Variants in ROBO2 observed in about 807,000 individuals in gnomAD.
ROBO2 encodes roundabout homolog 2.
A neutral mutation model predicts 160.8 loss-of-function variants in ROBO2; 53 were observed. The ratio of observed to expected loss-of-function variants is 0.33; its 90% confidence interval spans 0.26 to 0.41. The LOEUF (loss-of-function observed/expected upper bound fraction) is 0.41. Ranked by LOEUF, ROBO2 falls within the 10% of genes least tolerant of loss-of-function variation. The pLI, the probability that ROBO2 is intolerant of heterozygous loss-of-function variation, is 1.00. For missense variants in ROBO2, 1,577 were observed against 1,722.4 expected (o/e 0.92, Z 1.49); for synonymous variants, 664 against 611.7 (o/e 1.09, Z -1.26).
chr3:76,993,936 T>A (rs989108038), intron 2 of ROBO2, among the ~76,000 whole-genome samples: 18 of 151,810 alleles, frequency 1.2e-4, no homozygotes, highest in African/African-American at 4.1e-4. Context: ...CTCTTCTAAA[T>A]GACAGCTACA....
At chr3:76,661,933 C>A (rs571170504) in intron 2 of ROBO2, among the ~76,000 whole-genome samples, 1 of 152,286 alleles carries the variant, frequency 6.6e-6, no homozygotes, top group South Asian at 2.1e-4. Context: ...ACTTCAATTT[C>A]TTTCAGGGCC....
chr3:76,938,296 G>A (rs965057969), intron 2 of ROBO2, among the ~76,000 whole-genome samples: 37 of 151,944 alleles, frequency 2.4e-4, no homozygotes, highest in African/African-American at 6.3e-4. Context: ...GGACGCTGCA[G>A]TGAGCCGAGA....
chr3:76,310,627 C>A (rs2071534635), intron 2 of ROBO2, among the ~76,000 whole-genome samples: 1 of 152,212 alleles, frequency 6.6e-6, no homozygotes, highest in Non-Finnish European at 1.5e-5. Context: ...AAATAAGATA[C>A]ATTTTAAGTT....
At chr3:77,614,774 A>C (rs368957609) in intron 21 of ROBO2, among the ~76,000 whole-genome samples, 32 of 151,296 alleles carry the variant, frequency 2.1e-4, no homozygotes, top group African/African-American at 6.0e-4. Context: ...AACAAACAAA[A>C]ACCCTTTCTG....
At chr3:77,037,904 G>A (rs760897393), upstream of ROBO2, among the ~76,000 whole-genome samples, 2 of 152,014 alleles carry the variant, frequency 1.3e-5, no homozygotes, top group Non-Finnish European at 2.9e-5. Context: ...ACTATTTTCC[G>A]AATATCTTAA....
chr3:76,202,526 A>G (rs1420106791), intron 2 of ROBO2, among the ~76,000 whole-genome samples: 1 of 152,174 alleles, frequency 6.6e-6, no homozygotes, highest in African/African-American at 2.4e-5. Context: ...AACCTGATCA[A>G]CATTTGTTGA....
chr3:76,386,525 A>AG (rs2076899615), intron 2 of ROBO2, among the ~76,000 whole-genome samples: 1 of 152,046 alleles, frequency 6.6e-6, no homozygotes, highest in South Asian at 2.1e-4. Flanking sequence ...AGGGTTTTTT[A>AG]GGGGTTTTTA....
intron 2 of ROBO2, among the ~76,000 whole-genome samples, chr3:77,375,687 C>T (rs2072538810): frequency 6.6e-6 from 1 of 151,946 alleles, no homozygotes; most frequent in South Asian, 2.1e-4. Context: ...TATGTAAAAC[C>T]CGAGGTTCTC....
chr3:76,664,927 T>C (rs1379478900), intron 2 of ROBO2, among the ~76,000 whole-genome samples: 2 of 152,170 alleles, frequency 1.3e-5, no homozygotes, highest in Non-Finnish European at 2.9e-5. Context: ...CAGGAGACAG[T>C]ACTGGAAAGA....
intron 2 of ROBO2, among the ~76,000 whole-genome samples, chr3:76,229,801 A>G (rs1431474555): frequency 1.3e-5 from 2 of 152,206 alleles, no homozygotes; most frequent in East Asian, 1.9e-4. Context: ...TTATATTTAC[A>G]GAGGGGTAAC....
intron 1 of ROBO2, among the ~76,000 whole-genome samples, chr3:77,069,076 G>T (rs2067147686): frequency 6.6e-6 from 1 of 152,118 alleles, no homozygotes; most frequent in Non-Finnish European, 1.5e-5. Context: ...AGTAGCTGTG[G>T]CAGACGCTGT....
At chr3:76,458,035 A>G (rs2077869905) in intron 2 of ROBO2, among the ~76,000 whole-genome samples, 1 of 152,088 alleles carries the variant, frequency 6.6e-6, no homozygotes. Flanking sequence ...CATGGCCTGG[A>G]GATATTTTCA....
intron 2 of ROBO2, among the ~76,000 whole-genome samples, chr3:76,911,346 T>C (rs1176067468): frequency 1.3e-5 from 2 of 152,194 alleles, no homozygotes; most frequent in Non-Finnish European, 2.9e-5. Context: ...GCAAGTAAAA[T>C]TGGAAAACCT....
At chr3:76,927,561 G>A (rs922581267) in intron 2 of ROBO2, among the ~76,000 whole-genome samples, 1 of 152,042 alleles carries the variant, frequency 6.6e-6, no homozygotes, top group African/African-American at 2.4e-5. Flanking sequence ...ACATTGTCAA[G>A]GAAAGAAATA....
intron 2 of ROBO2, among the ~76,000 whole-genome samples, chr3:76,545,044 C>T (rs907016920): frequency 5.9e-5 from 9 of 151,848 alleles, no homozygotes; most frequent in African/African-American, 2.2e-4. Context: ...TACAATCAAA[C>T]GAACTGGATT....
rs1373541308 is a variant in ROBO2 at position 76,557,887 on chromosome 3, A to T, written c.110-540127A>T. On this transcript the variant is annotated intron_variant, in intron 2 of 26. Coordinates refer to the ROBO2 transcript ENST00000487694. ...TCAGCTTCATTTGCTGGAATTACTT[A>T]AAAAAAAAAAAAACTACTTGTTTAC... 2.3e-4 allele frequency among the ~76,000 whole-genome samples: 5 copies of T among 21,760 alleles called. No homozygotes were observed. In the East Asian group the frequency reaches 2.6e-3, roughly 11 times the overall value. 14.3% of individuals were successfully genotyped at this position (21,760 alleles called of 152,430 possible).
rs62249727 is a variant in ROBO2 at position 77,288,303 on chromosome 3, A to G, written c.389-189111A>G. 1.0e-2 allele frequency among the ~76,000 whole-genome samples: 1,519 copies of G among 152,306 alleles called. 21 individuals are homozygous for G. The highest frequency in any genetic ancestry group is 0.027 in the African/African-American group (1,111 of 41,576). ...ATAGAGGTAGAGAGGTGTTAACATA[A>G]GGCAAAAACATTAAACTGACAAACA... is the stretch of plus-strand genomic sequence containing the variant. On this transcript the variant is annotated intron_variant, in intron 2 of 25. Coordinates refer to ENST00000461745, the Ensembl canonical transcript of ROBO2.
intron 13 of ROBO2, among the ~76,000 whole-genome samples, chr3:77,569,088 G>A (rs2093570756): frequency 6.6e-6 from 1 of 151,834 alleles, no homozygotes; most frequent in Admixed American, 6.6e-5. Flanking sequence ...TTCCAGTTTT[G>A]TCTATTATGA....
At chr3:76,000,475 A>G (rs1338347298) in intron 2 of ROBO2, among the ~76,000 whole-genome samples, 2 of 146,436 alleles carry the variant, frequency 1.4e-5, no homozygotes, top group South Asian at 2.2e-4. Context: ...ATATTCCACC[A>G]TGATTGTGCG....
Sources: gnomAD v4.1 joint callset for allele counts (sites outside exome capture counted in the v4.1 genomes callset) on GRCh38, gnomAD v4.1.1 for gene constraint, MANE v1.5 for transcripts, NCBI Gene and HGNC (gene_info 2026-07-23, HGNC 2026-07-21) for gene names.